The following PCDHGB2 variants were observed in gnomAD, a reference collection of about 807,000 sequenced individuals.
PCDHGB2 encodes the protein protocadherin gamma-B2.
Under a neutral mutation model 59.3 loss-of-function variants are expected in PCDHGB2, and 55 were observed. The observed-to-expected ratio is 0.93, with a 90% CI of 0.75 to 1.16. The LOEUF is 1.16. PCDHGB2 is among the 50% of genes most tolerant of loss of function. The probability of loss-of-function intolerance (pLI) is 0.00; values close to 1 mark genes in which losing one functional copy is unlikely to be tolerated. For missense variants in PCDHGB2, 1,228 were observed against 1,198.5 expected (o/e 1.02, Z -0.36); for synonymous variants, 516 against 512.0 (o/e 1.01, Z -0.11).
At position 141,360,937 on chromosome 5, in the gene PCDHGB2, G is replaced by C. The variant is rs1430087223; in HGVS notation, c.802G>C (p.Asp268His). The stretch of plus-strand genomic sequence containing the variant: ...CTTTGTGCTTCAAGTGACAGCCACC[G>C]ACCGGGATGAAGGCATAAACGCAGA... Reference protein sequence around the residue: ...GFFVLQVTATDRDEGINAEIT... With the variant: ...GFFVLQVTATHRDEGINAEIT... The change falls in exon 1 of 4, where the codon GAC (aspartate) becomes CAC (histidine). Residue 268 changes from aspartate to histidine, a missense_variant. By Grantham distance (81) the Asp-to-His change is moderately conservative. Coordinates refer to ENST00000522605, the MANE Select transcript of PCDHGB2 (RefSeq NM_018923.3). 2 of 1,613,962 alleles carry C rather than the reference G, an allele frequency of 1.2e-6. No individual in the cohort carries two copies. The highest frequency in any genetic ancestry group is 1.7e-5 in the Admixed American group (1 of 60,016).
rs1282403944 is a variant in PCDHGB2 at position 141,485,452 on chromosome 5, G to A, written c.2422-9355G>A. ...TCATCAAGAACCCAATCGACCGAGA[G>A]GCACTGTGTGGGCTCAGTGCCAGCT... On this transcript the variant is annotated intron_variant, in intron 1 of 3. Transcript: ENST00000522605. The surrounding 1 kb of genome is among the most constrained non-coding windows in gnomAD (Gnocchi z 5.7). 2.5e-6 allele frequency: 4 copies of A among 1,614,054 alleles called. No individual in the cohort carries two copies. Among genetic ancestry groups the A allele is most frequent in the East Asian group, 4.5e-5 (2 of 44,884 alleles).
intron 1 of PCDHGB2, chr5:141,371,296 T>A: frequency 6.2e-7 from 1 of 1,614,000 alleles, no homozygotes; most frequent in Non-Finnish European, 8.5e-7. Flanking sequence ...ACGGGGGAAC[T>A]CACCACTATT....
intron 1 of PCDHGB2, chr5:141,418,431 A>T (rs751083183): frequency 1.9e-6 from 3 of 1,614,000 alleles, no homozygotes; most frequent in East Asian, 2.2e-5. Flanking sequence ...GGTGGCAAAT[A>T]TCCAGAATTA....
At chr5:141,495,164 C>T (rs1326419591) in intron 2 of PCDHGB2, among the ~76,000 whole-genome samples, 4 of 152,198 alleles carry the variant, frequency 2.6e-5, no homozygotes, top group Admixed American at 1.3e-4. Context: ...AAGCTGGTCT[C>T]TGGGTGAAAG....
chr5:141,413,651 C>T (rs377135032), intron 1 of PCDHGB2: 16 of 1,613,658 alleles, frequency 9.9e-6, no homozygotes, highest in Non-Finnish European at 8.5e-6. Context: ...TTTCCTCTCC[C>T]GGAAGCTATT....
At chr5:141,465,833 T>A (rs2099110537) in intron 1 of PCDHGB2, among the ~76,000 whole-genome samples, 1 of 152,002 alleles carries the variant, frequency 6.6e-6, no homozygotes, top group Non-Finnish European at 1.5e-5. Context: ...GTTTAAAATT[T>A]CAACTGAGGC....
intron 1 of PCDHGB2, among the ~76,000 whole-genome samples, chr5:141,488,434 C>T (rs1231743982): frequency 2.6e-5 from 4 of 152,166 alleles, no homozygotes; most frequent in African/African-American, 7.2e-5. Flanking sequence ...TGGCCTCTGA[C>T]CACCCTCCTG....
At chr5:141,434,489 C>T (rs921000136) in intron 1 of PCDHGB2, among the ~76,000 whole-genome samples, 4 of 152,158 alleles carry the variant, frequency 2.6e-5, no homozygotes, top group Non-Finnish European at 4.4e-5. Flanking sequence ...ACACCTGGCC[C>T]GCCCAGGGCA....
chr5:141,361,197 T>A lies in PCDHGB2; in HGVS notation c.1062T>A (p.Thr354=). 6.2e-7 allele frequency: 1 copy of A among 1,613,872 alleles called. No homozygotes were observed. Among genetic ancestry groups the A allele is most frequent in the South Asian group, 1.1e-5 (1 of 91,078 alleles). ...AAGTTATTGTGACTTCAGTATCTAC[T>A]CCCCTACCGGAGGATTCGCCACCAG... ...APEVIVTSVS[T]PLPEDSPPGT... The change falls in exon 1 of 4, where the codon ACT becomes ACA. Residue 354 remains threonine, a synonymous_variant. Transcript: ENST00000522605.
intron 1 of PCDHGB2, among the ~76,000 whole-genome samples, chr5:141,473,366 A>T (rs1292258135): frequency 1.3e-5 from 2 of 152,202 alleles, no homozygotes; most frequent in Non-Finnish European, 2.9e-5. Context: ...GGCCACCAAA[A>T]TAGCATGGTC....
intron 1 of PCDHGB2, chr5:141,370,541 C>T (rs760146561): frequency 5.0e-6 from 8 of 1,613,924 alleles, no homozygotes; most frequent in Non-Finnish European, 5.9e-6. Flanking sequence ...TGGTAGGGAA[C>T]CTCGCCAAGG....
At chr5:141,386,790 C>T (rs546308515) in intron 1 of PCDHGB2, among the ~76,000 whole-genome samples, 2 of 152,232 alleles carry the variant, frequency 1.3e-5, no homozygotes, top group South Asian at 4.2e-4. Flanking sequence ...AATCTCCTGA[C>T]CAAAATTTAT....
At chr5:141,441,187 AT>A (rs1349788972) in intron 1 of PCDHGB2, 1 of 152,214 alleles carries the variant, frequency 6.6e-6, no homozygotes, top group Non-Finnish European at 1.5e-5. Context: ...TTCCACAATG[AT>A]TCCCAAAGAT....
chr5:141,366,709 G>A, intron 1 of PCDHGB2: 5 of 1,614,228 alleles, frequency 3.1e-6, no homozygotes, highest in Non-Finnish European at 4.2e-6. Context: ...CTCTTCTGAT[G>A]TCTGATAAGG....
intron 1 of PCDHGB2, chr5:141,409,463 A>G (rs751200597): frequency 1.2e-6 from 2 of 1,613,744 alleles, no homozygotes; most frequent in Non-Finnish European, 1.7e-6. Context: ...ATACAATGTC[A>G]CCATCGTAGC....
intron 1 of PCDHGB2, chr5:141,478,344 A>G: frequency 6.2e-7 from 1 of 1,613,882 alleles, no homozygotes; most frequent in Non-Finnish European, 8.5e-7. Context: ...CCCTCCTTGC[A>G]CGCGGACGCC....
intron 1 of PCDHGB2, chr5:141,423,131 A>G (rs370773437): frequency 1.9e-6 from 3 of 1,613,538 alleles, no homozygotes; most frequent in Admixed American, 1.7e-5. Context: ...GCACTGCTGG[A>G]CAGAGACGCG....
intron 1 of PCDHGB2, chr5:141,383,500 G>T: frequency 6.2e-7 from 1 of 1,613,078 alleles, no homozygotes; most frequent in East Asian, 2.2e-5. Flanking sequence ...GCGGGTGCTG[G>T]ACCGGGAGGA....
chr5:141,437,762 A>G (rs1286042187), intron 1 of PCDHGB2, among the ~76,000 whole-genome samples: 1 of 149,476 alleles, frequency 6.7e-6, no homozygotes, highest in African/African-American at 2.5e-5. Context: ...TTTTTGAGAC[A>G]GAGTCTCAAT....
Sources: gnomAD v4.1 joint callset for allele counts (sites outside exome capture counted in the v4.1 genomes callset) on GRCh38, gnomAD v4.1.1 for gene constraint, Gnocchi (gnomAD v3.1) non-coding constraint, MANE v1.5 for transcripts, NCBI Gene and HGNC (gene_info 2026-07-23, HGNC 2026-07-21) for gene names.